Variants in OSBPL10 observed in about 807,000 individuals in gnomAD.
OSBPL10 encodes the protein oxysterol-binding protein-related protein 10.
A neutral mutation model predicts 81.7 loss-of-function variants in OSBPL10; 49 were observed. The ratio of observed to expected loss-of-function variants is 0.60; its 90% CI spans 0.48 to 0.76. OSBPL10 has a LOEUF of 0.76. Among genes scored for constraint, OSBPL10 ranks in the 30% least tolerant of loss-of-function variants. OSBPL10 has a pLI of 0.00. For missense variants in OSBPL10, 923 were observed against 987.8 expected (o/e 0.93, Z 0.88); for synonymous variants, 419 against 383.6 (o/e 1.09, Z -1.08).
intron 1 of OSBPL10, among the ~76,000 whole-genome samples, chr3:31,915,666 A>G (rs7615822): frequency 0.81 from 123,917 of 152,104 alleles, 51,032 homozygotes; most frequent in East Asian, 0.96. Context: ...CTCAGTGCCT[A>G]GGTGACAGGA....
At chr3:31,848,185 T>C (rs527883585) in intron 3 of OSBPL10, among the ~76,000 whole-genome samples, 38 of 152,138 alleles carry the variant, frequency 2.5e-4, no homozygotes, top group Non-Finnish European at 4.3e-4. Context: ...CATGGTGTGA[T>C]AGGATTCTAT....
chr3:32,026,056 A>ATAGG (rs1553649783), intron 2 of OSBPL10, among the ~76,000 whole-genome samples: 4 of 104,310 alleles, frequency 3.8e-5, no homozygotes, highest in Non-Finnish European at 5.9e-5. Context: ...AGATAGATAG[A>ATAGG]TGATAGATAG....
At chr3:31,699,359 C>T (rs973763102) in intron 7 of OSBPL10, among the ~76,000 whole-genome samples, 5 of 152,188 alleles carry the variant, frequency 3.3e-5, no homozygotes, top group Admixed American at 6.5e-5. Flanking sequence ...ATGCACAACA[C>T]GCCAGACCTT....
intron 6 of OSBPL10, among the ~76,000 whole-genome samples, chr3:31,723,376 A>C (rs1696712022): frequency 6.6e-6 from 1 of 152,220 alleles, no homozygotes; most frequent in South Asian, 2.1e-4. Flanking sequence ...GAGGAAGGCT[A>C]TGGTCCCGGG....
chr3:32,043,334 C>A (rs1203757330), intron 2 of OSBPL10, among the ~76,000 whole-genome samples: 2 of 152,122 alleles, frequency 1.3e-5, no homozygotes, highest in East Asian at 3.9e-4. Flanking sequence ...TGGTTGTCTT[C>A]CCTTGTTCCC....
intron 5 of OSBPL10, among the ~76,000 whole-genome samples, chr3:31,739,149 A>C (rs1047064294): frequency 2.0e-4 from 31 of 152,138 alleles, no homozygotes; most frequent in African/African-American, 7.5e-4. Flanking sequence ...CACAATCTTG[A>C]ACTCCTGGGC....
chr3:31,788,681 T>G (rs1347765777), intron 4 of OSBPL10, among the ~76,000 whole-genome samples: 2 of 152,116 alleles, frequency 1.3e-5, no homozygotes, highest in African/African-American at 4.8e-5. Flanking sequence ...AGGAGGCCGA[T>G]GCAGGAGGAT....
intron 1 of OSBPL10, among the ~76,000 whole-genome samples, chr3:31,907,402 A>C (rs1319916562): frequency 6.6e-6 from 1 of 152,024 alleles, no homozygotes; most frequent in Non-Finnish European, 1.5e-5. Context: ...CGAGGTGGGC[A>C]GATCACTTGA....
rs553696164 is a variant in OSBPL10 at position 31,907,268 on chromosome 3, C to T, written c.282-27438G>A. Among the ~76,000 whole-genome samples the T allele has an allele frequency of 5.9e-5, 9 of 152,166 alleles. No individual in the cohort carries two copies. In the East Asian group the frequency reaches 1.7e-3, roughly 29 times the overall value. On this transcript the variant is annotated intron_variant, in intron 1 of 11. Transcript: ENST00000396556. Reference sequence around the variant, plus strand: ...TACTCATCTGATTATCTTATTTTGTCGTCTTAAAAATAGGGCAGGTATTCT... The same window carrying T: ...TACTCATCTGATTATCTTATTTTGTTGTCTTAAAAATAGGGCAGGTATTCT...
chr3:31,878,760 T>C (rs1701544251), intron 2 of OSBPL10, among the ~76,000 whole-genome samples: 1 of 151,940 alleles, frequency 6.6e-6, no homozygotes, highest in Non-Finnish European at 1.5e-5. Context: ...TCTCAATACT[T>C]AATACATACT....
At chr3:31,753,272 C>T (rs1360059929) in intron 4 of OSBPL10, among the ~76,000 whole-genome samples, 1 of 151,736 alleles carries the variant, frequency 6.6e-6, no homozygotes, top group Non-Finnish European at 1.5e-5. Context: ...ACCGCAACTT[C>T]CGCCTCGCCT....
intron 4 of OSBPL10, among the ~76,000 whole-genome samples, chr3:31,829,628 G>A (rs912560103): frequency 6.6e-6 from 1 of 152,114 alleles, no homozygotes; most frequent in African/African-American, 2.4e-5. Context: ...CAGGAGAGGA[G>A]AGAAAGAAAG....
At chr3:32,028,981 C>T (rs186695154) in intron 2 of OSBPL10, among the ~76,000 whole-genome samples, 1,902 of 149,026 alleles carry the variant, frequency 0.013, 19 homozygotes, top group Non-Finnish European at 0.021. Context: ...CACACACACA[C>T]ACACACACCA....
intron 4 of OSBPL10, among the ~76,000 whole-genome samples, chr3:31,780,838 CA>C (rs369785158): frequency 1.3e-5 from 2 of 148,936 alleles, no homozygotes; most frequent in African/African-American, 5.0e-5. Flanking sequence ...CCCACCCCCC[CA>C]AAAAACAGTC....
chr3:31,709,131 C>A (rs1327134360), intron 6 of OSBPL10: 1 of 719,336 alleles, frequency 1.4e-6, no homozygotes, highest in Non-Finnish European at 1.7e-6. Flanking sequence ...CTTGACAGGT[C>A]CAAGTACACG....
chr3:31,934,923 C>G (rs1485816218), intron 1 of OSBPL10, among the ~76,000 whole-genome samples: 1 of 152,152 alleles, frequency 6.6e-6, no homozygotes, highest in African/African-American at 2.4e-5. Flanking sequence ...CTAAAGCAAC[C>G]AGTCCAAAGA....
At chr3:31,870,616 C>A (rs568975136) in intron 3 of OSBPL10, among the ~76,000 whole-genome samples, 10 of 152,220 alleles carry the variant, frequency 6.6e-5, no homozygotes, top group Admixed American at 6.5e-4. Context: ...TTATGTCTAG[C>A]GCAGGGATTG....
intron 2 of OSBPL10, chr3:31,991,032 A>G: frequency 2.0e-6 from 3 of 1,484,516 alleles, no homozygotes; most frequent in South Asian, 2.7e-5. Flanking sequence ...ATTGTTCCAA[A>G]TGCAATGAGT....
intron 1 of OSBPL10, among the ~76,000 whole-genome samples, chr3:31,884,107 A>C (rs1221697941): frequency 6.6e-6 from 1 of 152,254 alleles, no homozygotes; most frequent in African/African-American, 2.4e-5. Context: ...GTATAAAGAA[A>C]TGAATTGAAC....
Sources: gnomAD v4.1 joint callset for allele counts (sites outside exome capture counted in the v4.1 genomes callset) on GRCh38, gnomAD v4.1.1 for gene constraint, MANE v1.5 for transcripts, NCBI Gene and HGNC (gene_info 2026-07-23, HGNC 2026-07-21) for gene names.